Variants in NRCAM observed in about 807,000 individuals in gnomAD.
NRCAM encodes the protein NgCAM-related cell adhesion molecule.
A neutral mutation model predicts 156.5 loss-of-function variants in NRCAM; 83 were observed. The ratio of observed to expected loss-of-function variants is 0.53; its 90% confidence interval spans 0.44 to 0.64. The LOEUF (loss-of-function observed/expected upper bound fraction) is 0.64. Ranked by LOEUF, NRCAM falls within the 30% of genes least tolerant of loss-of-function variation. NRCAM has a pLI of 0.00. For synonymous variants in NRCAM, 538 were observed against 563.9 expected (o/e 0.95, Z 0.65); for missense variants, 1,417 against 1,597.3 (o/e 0.89, Z 1.92).
chr7:108,414,327 T>C (rs1563700902), intron 1 of NRCAM, among the ~76,000 whole-genome samples: 2 of 152,188 alleles, frequency 1.3e-5, no homozygotes, highest in African/African-American at 2.4e-5. Context: ...GGCAAAGCAC[T>C]GTTAGGTATT....
At position 108,350,750 on chromosome 7, in the gene NRCAM, C is replaced by T. The variant is rs79771002; in HGVS notation, c.-173-38019G>A. On this transcript the variant is annotated intron_variant, in intron 2 of 32. Coordinates refer to ENST00000379028, the MANE Select transcript of NRCAM (RefSeq NM_001037132.4). ...TTAACTTATTGTTTTTCTTTTTTTT[C>T]TTCTTCTTTCTTTCCTTCTATCTTT... 7.9e-3 allele frequency among the ~76,000 whole-genome samples: 1,194 copies of T among 151,384 alleles called. 10 individuals are homozygous for T. Among genetic ancestry groups the T allele is most frequent in the African/African-American group, 0.027 (1,132 of 41,344 alleles).
intron 13 of NRCAM, 133 bp from the exon 14 acceptor site, chr7:108,198,232 C>T (rs2076149964): frequency 1.7e-6 from 1 of 575,560 alleles, no homozygotes; most frequent in Non-Finnish European, 2.8e-6. Context: ...AGAATTTAGG[C>T]AGAAACCAGA....
At chr7:108,418,529 G>A (rs904057407) in intron 1 of NRCAM, among the ~76,000 whole-genome samples, 1 of 151,252 alleles carries the variant, frequency 6.6e-6, no homozygotes, top group Non-Finnish European at 1.5e-5. Context: ...TGGCTGGGAA[G>A]GGAGAGGTCT....
At chr7:108,211,690 C>G (rs903110865) in intron 11 of NRCAM, among the ~76,000 whole-genome samples, 1 of 152,106 alleles carries the variant, frequency 6.6e-6, no homozygotes, top group Admixed American at 6.5e-5. Flanking sequence ...CCTTAATCCT[C>G]CTAGGTACAC....
chr7:108,395,354 T>C (rs1223074813), intron 2 of NRCAM, among the ~76,000 whole-genome samples: 1 of 152,186 alleles, frequency 6.6e-6, no homozygotes, highest in Admixed American at 6.5e-5. Flanking sequence ...CATTATCTGA[T>C]TAGAAATCTG....
At chr7:108,159,419 T>A (rs1364239209) in intron 32 of NRCAM, 44 bp downstream of exon 32, 2 of 1,514,670 alleles carry the variant, frequency 1.3e-6, no homozygotes, top group Admixed American at 3.3e-5. Context: ...GGGACTGTGT[T>A]CATGTGGGCA....
At chr7:108,397,809 T>C (rs1453920469) in intron 2 of NRCAM, among the ~76,000 whole-genome samples, 2 of 152,236 alleles carry the variant, frequency 1.3e-5, no homozygotes, top group Non-Finnish European at 2.9e-5. Context: ...TCACACTGTT[T>C]GTTAAAGACT....
In NRCAM at chr7:108,379,283, C is replaced by A. The variant is rs1465902176; in HGVS notation, c.-174+20153G>T. Reference sequence around the variant, plus strand: ...TGTGGTAACAAAAATGATAAAGGAACGTATAATGAAATATTATTTGACTTT... The same window carrying A: ...TGTGGTAACAAAAATGATAAAGGAAAGTATAATGAAATATTATTTGACTTT... On this transcript the variant is annotated intron_variant, in intron 2 of 32. Transcript: ENST00000379028. Among the ~76,000 whole-genome samples, 3 of 152,012 alleles carry A rather than the reference C, an allele frequency of 2.0e-5. No individual in the cohort carries two copies. The East Asian group carries it at 5.8e-4, about 29-fold the overall frequency.
intron 1 of NRCAM, among the ~76,000 whole-genome samples, chr7:108,421,256 G>A (rs1809343591): frequency 6.6e-6 from 1 of 152,174 alleles, no homozygotes; most frequent in South Asian, 2.1e-4. Flanking sequence ...GAAAGCATTA[G>A]GAGAGAAATT....
intron 2 of NRCAM, among the ~76,000 whole-genome samples, chr7:108,361,224 T>A (rs113352330): frequency 3.3e-5 from 5 of 152,200 alleles, no homozygotes; most frequent in African/African-American, 1.2e-4. Context: ...ATTCAAAACA[T>A]TGACAATTTC....
intron 2 of NRCAM, among the ~76,000 whole-genome samples, chr7:108,341,829 A>C (rs1218460770): frequency 6.6e-6 from 1 of 152,186 alleles, no homozygotes; most frequent in Admixed American, 6.5e-5. Flanking sequence ...GGAGTACAGA[A>C]ACCCAATGGA....
intron 20 of NRCAM, among the ~76,000 whole-genome samples, chr7:108,185,735 G>GAAAAA (rs34028548): frequency 2.7e-4 from 35 of 128,452 alleles, no homozygotes; most frequent in Non-Finnish European, 4.0e-4. Flanking sequence ...AGAGAGAGAG[G>GAAAAA]AAAAAAAAAA....
chr7:108,283,022 T>A (rs189527974), intron 3 of NRCAM, among the ~76,000 whole-genome samples: 12 of 152,276 alleles, frequency 7.9e-5, no homozygotes, highest in Non-Finnish European at 1.2e-4. Flanking sequence ...AACCAGTGTT[T>A]AAAAATGCTT....
chr7:108,288,243 G>A (rs903953397), intron 3 of NRCAM, among the ~76,000 whole-genome samples: 1 of 152,106 alleles, frequency 6.6e-6, no homozygotes, highest in African/African-American at 2.4e-5. Context: ...CAAGAGGTGG[G>A]AGAGTGGGAG....
intron 3 of NRCAM, among the ~76,000 whole-genome samples, chr7:108,256,492 G>GC (rs2096668834): frequency 6.7e-6 from 1 of 150,260 alleles, no homozygotes; most frequent in African/African-American, 2.5e-5. Context: ...ACTGCGGAAG[G>GC]CCGCAGGGTC....
At chr7:108,178,200 A>G in intron 25 of NRCAM, 88 bp from the exon 26 acceptor site, 2 of 1,419,244 alleles carry the variant, frequency 1.4e-6, no homozygotes, top group South Asian at 2.7e-5. Context: ...CGCACGATTC[A>G]AGGTTTTGAG....
intron 1 of NRCAM, among the ~76,000 whole-genome samples, chr7:108,422,089 A>G (rs1447379059): frequency 2.0e-5 from 3 of 152,150 alleles, no homozygotes; most frequent in African/African-American, 7.2e-5. Context: ...ACCTCCTCCA[A>G]GAGCCACTTC....
chr7:108,278,776 C>T (rs1215571010), intron 3 of NRCAM, among the ~76,000 whole-genome samples: 1 of 152,254 alleles, frequency 6.6e-6, no homozygotes, highest in Non-Finnish European at 1.5e-5. Context: ...ACTGTCCAAC[C>T]AGTCCCAGTG....
chr7:108,384,666 T>C (rs1043076288), intron 2 of NRCAM, among the ~76,000 whole-genome samples: 1 of 152,212 alleles, frequency 6.6e-6, no homozygotes, highest in African/African-American at 2.4e-5. Context: ...ATATGAATCC[T>C]GAGCCTCCTG....
Sources: gnomAD v4.1 joint callset for allele counts (sites outside exome capture counted in the v4.1 genomes callset) on GRCh38, gnomAD v4.1.1 for gene constraint, MANE v1.5 for transcripts, NCBI Gene and HGNC (gene_info 2026-07-23, HGNC 2026-07-21) for gene names.